Variants in BCO2 observed in about 807,000 individuals in gnomAD.
BCO2 encodes the protein beta-carotene oxygenase 2.
BCO2 carries 56 observed loss-of-function variants against 65.8 expected under a neutral mutation model. The ratio of observed to expected loss-of-function variants is 0.85; its 90% confidence interval spans 0.69 to 1.06. The LOEUF (loss-of-function observed/expected upper bound fraction) is 1.06. Among genes scored for constraint, BCO2 ranks in the 50% least tolerant of loss-of-function variants. The pLI is 0.00. For synonymous variants in BCO2, 233 were observed against 242.3 expected (o/e 0.96, Z 0.36); for missense variants, 675 against 698.5 (o/e 0.97, Z 0.38).
At chr11:112,192,008 A>G (rs1341179436) in intron 2 of BCO2, among the ~76,000 whole-genome samples, 2 of 152,222 alleles carry the variant, frequency 1.3e-5, no homozygotes, top group Admixed American at 6.5e-5. Context: ...GTCATGAAAC[A>G]GATCTTTAGA....
chr11:112,180,687 G>T (rs768153572), intron 2 of BCO2: 7 of 761,492 alleles, frequency 9.2e-6, no homozygotes, highest in Middle Eastern at 3.7e-4. Context: ...GTGGGTGGAG[G>T]GGGGGAAGGG....
At position 112,214,677 on chromosome 11, in the gene BCO2, T is replaced by C. The variant is rs542565896; in HGVS notation, c.1333-85T>C. The C allele has an allele frequency of 4.0e-5, 44 of 1,102,630 alleles. No individual in the cohort carries two copies. In the Middle Eastern group the frequency reaches 6.4e-4, roughly 16 times the overall value. 68.3% of individuals were successfully genotyped at this position (1,102,630 alleles called of 1,614,324 possible). On this transcript the variant is annotated intron_variant, in intron 9 of 11. Coordinates refer to ENST00000357685, the MANE Select transcript of BCO2 (RefSeq NM_031938.7). The stretch of plus-strand genomic sequence containing the variant: ...TCCCAAGCCCTGTCACAAACCTTTA[T>C]AGGGTATGAGGCTCCTCACTGACCT...
At chr11:112,217,712 ATT>A (rs1859722892) in intron 11 of BCO2, 47 bp from the exon 12 acceptor site, 1 of 1,455,270 alleles carries the variant, frequency 6.9e-7, no homozygotes, top group Non-Finnish European at 9.5e-7. Flanking sequence ...AGACAGGCAA[ATT>A]TTTGATGAAA....
intron 8 of BCO2, among the ~76,000 whole-genome samples, chr11:112,211,024 G>A (rs1411860740): frequency 2.0e-5 from 3 of 151,850 alleles, no homozygotes; most frequent in African/African-American, 7.3e-5. Flanking sequence ...TCACAATGTT[G>A]TGCAACATCA....
intron 2 of BCO2, among the ~76,000 whole-genome samples, chr11:112,185,860 T>TC (rs1419851035): frequency 6.6e-6 from 1 of 152,210 alleles, no homozygotes; most frequent in Non-Finnish European, 1.5e-5. Flanking sequence ...CTACCATCCA[T>TC]CCACAGAATT....
chr11:112,184,724 T>G (rs1867154336), intron 2 of BCO2, among the ~76,000 whole-genome samples: 1 of 152,186 alleles, frequency 6.6e-6, no homozygotes, highest in African/African-American at 2.4e-5. Flanking sequence ...CCCAATTTTC[T>G]TGAGTCATTA....
intron 2 of BCO2, among the ~76,000 whole-genome samples, chr11:112,180,281 CAA>C (rs1866998733): frequency 6.6e-6 from 1 of 152,072 alleles, no homozygotes; most frequent in African/African-American, 2.4e-5. Flanking sequence ...ATTTTTGACT[CAA>C]GAGATTGGTT....
At chr11:112,196,173 T>G (rs910480657) in intron 5 of BCO2, among the ~76,000 whole-genome samples, 2 of 152,190 alleles carry the variant, frequency 1.3e-5, no homozygotes, top group African/African-American at 2.4e-5. Flanking sequence ...GTGTTTAAAT[T>G]CCGTGAATTG....
In BCO2 at chr11:112,191,974, A is replaced by G. The variant is rs558434048; in HGVS notation, c.294-1500A>G. ...CTAACCATTTTTAAGACAACAGTTA[A>G]GTAGTGTTAAGTATATTCATCTCGT... On this transcript the variant is annotated intron_variant, in intron 2 of 11. Coordinates refer to ENST00000357685, the MANE Select transcript of BCO2 (RefSeq NM_031938.7). 2.0e-3 allele frequency among the ~76,000 whole-genome samples: 308 copies of G among 152,316 alleles called. 2 individuals carry two copies. Among genetic ancestry groups the G allele is most frequent in the African/African-American group, 7.1e-3 (295 of 41,584 alleles).
rs1269048760 is a variant in BCO2 at position 112,193,977 on chromosome 11, C to T, written c.616C>T (p.Leu206=). 6.3e-7 allele frequency: 1 copy of T among 1,592,362 alleles called. No individual in the cohort carries two copies. Among genetic ancestry groups the T allele is most frequent in the Admixed American group, 1.7e-5 (1 of 59,914 alleles). The change falls in exon 4 of 12, where the codon CTG becomes TTG. Residue 206 remains leucine, a synonymous_variant. Transcript: ENST00000357685. ...TATGAATAAAGTGGACATTGAAACT[C>T]TGGAAAAAACAGAAAAGGTAAAGTA... is the stretch of plus-strand genomic sequence containing the variant. ...NFMNKVDIET[L]EKTEKVDWSK...
intron 8 of BCO2, among the ~76,000 whole-genome samples, chr11:112,209,653 G>GT (rs1466497561): frequency 1.3e-5 from 2 of 151,892 alleles, no homozygotes; most frequent in African/African-American, 2.4e-5. Flanking sequence ...TTTATCAACT[G>GT]TTTTTTTTCT....
chr11:112,197,965 G>C (rs1016347285), intron 5 of BCO2, among the ~76,000 whole-genome samples: 6 of 152,128 alleles, frequency 3.9e-5, no homozygotes, highest in Non-Finnish European at 5.9e-5. Flanking sequence ...ACCTCCTTTA[G>C]GTCTTTACTC....
chr11:112,181,652 A>G (rs1053896033), intron 2 of BCO2: 36 of 876,320 alleles, frequency 4.1e-5, no homozygotes, highest in Non-Finnish European at 6.4e-5. Flanking sequence ...AGAATTCTCA[A>G]CCACTGGAGG....
At chr11:112,180,640 C>T (rs1366883351) in intron 2 of BCO2, 6 of 672,886 alleles carry the variant, frequency 8.9e-6, no homozygotes, top group Admixed American at 2.1e-5. Context: ...TGGTGTGTCC[C>T]CAAGGGCAGA....
At chr11:112,211,352 A>ATT (rs147391427) in intron 8 of BCO2, among the ~76,000 whole-genome samples, 22 of 148,870 alleles carry the variant, frequency 1.5e-4, no homozygotes, top group African/African-American at 5.5e-4. Flanking sequence ...ACACACACAC[A>ATT]ATATTTGTTT....
At chr11:112,181,867 A>T in intron 2 of BCO2, 1 of 950,824 alleles carries the variant, frequency 1.1e-6, no homozygotes, top group East Asian at 2.4e-5. Context: ...GAACGAGCTC[A>T]TCTCTCTGGA....
chr11:112,194,586 T>G, intron 4 of BCO2, 67 bp from the exon 5 acceptor site: 2 of 916,128 alleles, frequency 2.2e-6, no homozygotes, highest in South Asian at 1.5e-5. Flanking sequence ...CATTAGATAT[T>G]TCTACTATTT....
intron 8 of BCO2, among the ~76,000 whole-genome samples, chr11:112,210,370 C>T (rs1322720261): frequency 1.3e-5 from 2 of 152,126 alleles, no homozygotes; most frequent in Non-Finnish European, 2.9e-5. Context: ...TTTTGAGACA[C>T]AAGATGATGT....
intron 11 of BCO2, 49 bp from the exon 12 acceptor site, chr11:112,217,712 A>G: frequency 6.9e-7 from 1 of 1,455,270 alleles, no homozygotes; most frequent in Non-Finnish European, 9.5e-7. Flanking sequence ...AGACAGGCAA[A>G]TTTTTGATGA....
Sources: gnomAD v4.1 joint callset for allele counts (sites outside exome capture counted in the v4.1 genomes callset) on GRCh38, gnomAD v4.1.1 for gene constraint, MANE v1.5 for transcripts, NCBI Gene and HGNC (gene_info 2026-07-23, HGNC 2026-07-21) for gene names.